The following CFAP47 variants were observed in gnomAD, a reference collection of about 807,000 sequenced individuals.
CFAP47 encodes cilia and flagella associated protein 47.
CFAP47 carries 29 observed loss-of-function variants against 148.1 expected under a neutral mutation model. The ratio of observed to expected loss-of-function variants is 0.20; its 90% CI spans 0.15 to 0.27. The LOEUF is 0.27. Among genes scored for constraint, CFAP47 ranks in the 10% least tolerant of loss-of-function variants. The pLI, the probability that CFAP47 is intolerant of heterozygous loss-of-function variation, is 1.00. For synonymous variants in CFAP47, 664 were observed against 577.3 expected, an observed-to-expected ratio of 1.15 and a Z score of -2.15; for missense variants, 1,872 against 1,697.5, an observed-to-expected ratio of 1.10 and a Z score of -1.81.
chrX:36,292,484 T>C (rs977950453), intron 51 of CFAP47, among the ~76,000 whole-genome samples: 1 of 112,090 alleles, frequency 8.9e-6, no homozygotes, highest in African/African-American at 3.2e-5. Flanking sequence ...TTACTTAATA[T>C]TATTGTATGT....
intron 61 of CFAP47, among the ~76,000 whole-genome samples, chrX:36,364,943 T>TATAC (rs1304339120): frequency 2.8e-3 from 204 of 73,489 alleles, no homozygotes; most frequent in Non-Finnish European, 5.0e-3. Context: ...TATATATATA[T>TATAC]ACACACACAC....
chrX:35,980,387 A>G (rs1297260860), intron 15 of CFAP47, among the ~76,000 whole-genome samples: 1 of 111,594 alleles, frequency 9.0e-6, no homozygotes, highest in Non-Finnish European at 1.9e-5. Context: ...GGGCACTAAG[A>G]TGGCTTTATT....
chrX:36,077,175 G>A (rs1472503736), intron 29 of CFAP47, among the ~76,000 whole-genome samples: 3 of 70,280 alleles, frequency 4.3e-5, no homozygotes, highest in African/African-American at 5.5e-5. Context: ...GTAATACAGC[G>A]CCTCCAGCTT....
At chrX:36,179,924 C>T (rs1385482783) in intron 40 of CFAP47, among the ~76,000 whole-genome samples, 2 of 110,983 alleles carry the variant, frequency 1.8e-5, no homozygotes, top group Admixed American at 9.7e-5. Flanking sequence ...CTCTGCACTG[C>T]CCACTATTGT....
chrX:36,376,870 C>T (rs1490163140), intron 62 of CFAP47, among the ~76,000 whole-genome samples: 9 of 104,800 alleles, frequency 8.6e-5, no homozygotes, highest in African/African-American at 2.1e-4. Flanking sequence ...TGAGAACATG[C>T]GGTGTCTGGT....
intron 30 of CFAP47, among the ~76,000 whole-genome samples, chrX:36,089,155 G>A (rs1938140262): frequency 9.0e-6 from 1 of 111,261 alleles, no homozygotes; most frequent in Admixed American, 9.6e-5. Flanking sequence ...ATCACACAAG[G>A]TCAGGAGTTT....
chrX:36,036,788 A>G (rs887836739), intron 24 of CFAP47, among the ~76,000 whole-genome samples: 2 of 111,761 alleles, frequency 1.8e-5, no homozygotes, highest in Admixed American at 9.5e-5. Flanking sequence ...TTATAGCTTT[A>G]AAGCTTATTA....
At chrX:36,007,519 T>A (rs185398100) in intron 21 of CFAP47, among the ~76,000 whole-genome samples, 1 of 112,335 alleles carries the variant, frequency 8.9e-6, no homozygotes, top group Admixed American at 9.4e-5. Flanking sequence ...CCTCATTGAA[T>A]ACCTCAGTGA....
intron 51 of CFAP47, among the ~76,000 whole-genome samples, chrX:36,295,311 C>A (rs1036300716): frequency 8.9e-6 from 1 of 111,881 alleles, no homozygotes; most frequent in Non-Finnish European, 1.9e-5. Context: ...GAGGAATATG[C>A]CATTTGCAAA....
At chrX:36,243,406 A>T (rs908946708) in intron 48 of CFAP47, among the ~76,000 whole-genome samples, 29 of 109,675 alleles carry the variant, frequency 2.6e-4, no homozygotes, top group Non-Finnish European at 4.9e-4. Flanking sequence ...TTAAATGACA[A>T]GACCCAATTG....
chrX:36,129,107 AAAC>A (rs1232158730), intron 33 of CFAP47, among the ~76,000 whole-genome samples: 2 of 110,459 alleles, frequency 1.8e-5, no homozygotes, highest in Non-Finnish European at 3.8e-5. Flanking sequence ...GGATGATTTT[AAAC>A]AACAAGTTAA....
intron 50 of CFAP47, among the ~76,000 whole-genome samples, chrX:36,282,137 C>T (rs952946867): frequency 1.8e-5 from 2 of 110,381 alleles, no homozygotes; most frequent in South Asian, 3.8e-4. Context: ...AAGATATTTA[C>T]ATAGCAATAT....
chrX:36,346,329 G>T (rs1383112247), intron 57 of CFAP47, among the ~76,000 whole-genome samples: 1 of 110,827 alleles, frequency 9.0e-6, no homozygotes, highest in Non-Finnish European at 1.9e-5. Flanking sequence ...AAATAAATCA[G>T]AATCTCTTGG....
At chrX:36,232,357 A>G (rs868952158) in intron 46 of CFAP47, among the ~76,000 whole-genome samples, 2 of 111,851 alleles carry the variant, frequency 1.8e-5, no homozygotes, top group African/African-American at 6.5e-5. Context: ...TGTATGTGTC[A>G]AGGAATTTAT....
intron 48 of CFAP47, among the ~76,000 whole-genome samples, chrX:36,247,203 T>C (rs1361511604): frequency 9.0e-6 from 1 of 111,389 alleles, no homozygotes; most frequent in East Asian, 2.8e-4. Flanking sequence ...AATTTGTCAC[T>C]TACAGGTGGC....
chrX:36,371,221 G>T (rs1941929626), intron 62 of CFAP47, among the ~76,000 whole-genome samples: 1 of 110,614 alleles, frequency 9.0e-6, no homozygotes, highest in Non-Finnish European at 1.9e-5. Flanking sequence ...TTTAAAAATT[G>T]TTTTTATATA....
intron 48 of CFAP47, among the ~76,000 whole-genome samples, chrX:36,237,266 G>A (rs73197194): frequency 0.058 from 6,435 of 111,528 alleles, 159 homozygotes; most frequent in Middle Eastern, 0.13. Context: ...AAATAATGGT[G>A]GAAATATTAA....
intron 62 of CFAP47, among the ~76,000 whole-genome samples, chrX:36,369,899 T>C (rs782635867): frequency 9.0e-6 from 1 of 111,222 alleles, no homozygotes; most frequent in South Asian, 3.8e-4. Flanking sequence ...TATGGGAAAA[T>C]TGTTAAAGAA....
intron 62 of CFAP47, among the ~76,000 whole-genome samples, chrX:36,371,924 G>GTGTATATATGTGTA: frequency 1.7e-5 from 1 of 60,011 alleles, no homozygotes; most frequent in South Asian, 8.6e-4. Flanking sequence ...GTATATATGT[G>GTGTATATATGTGTA]TATATACACA....
Sources: gnomAD v4.1 joint callset for allele counts (sites outside exome capture counted in the v4.1 genomes callset) on GRCh38, gnomAD v4.1.1 for gene constraint, MANE v1.5 for transcripts, NCBI Gene and HGNC (gene_info 2026-07-23, HGNC 2026-07-21) for gene names.